The following IL3RA variants were observed in gnomAD, a reference collection of about 807,000 sequenced individuals.
IL3RA encodes interleukin 3 receptor subunit alpha.
A neutral mutation model predicts 52.3 loss-of-function variants in IL3RA; 73 were observed. The observed-to-expected ratio is 1.40, with a 90% CI of 1.16 to 1.70. The LOEUF (loss-of-function observed/expected upper bound fraction) is 1.70. IL3RA is among the 40% of genes most tolerant of loss of function. IL3RA has a pLI of 0.00. For missense variants in IL3RA, 664 were observed against 504.4 expected (o/e 1.32, Z -3.03); for synonymous variants, 260 against 194.0 (o/e 1.34, Z -2.83).
intron 7 of IL3RA, among the ~76,000 whole-genome samples, chrX:1,356,714 G>A (rs1182444413): frequency 1.3e-5 from 2 of 151,754 alleles, no homozygotes; most frequent in Admixed American, 1.3e-4. Context: ...GGGGGTTGCA[G>A]TGAGCCGAGA....
chrX:1,354,490 CA>C (rs2086466420), intron 6 of IL3RA, among the ~76,000 whole-genome samples: 1 of 126,562 alleles, frequency 7.9e-6, no homozygotes, highest in Non-Finnish European at 1.6e-5. Flanking sequence ...AGAACATGAG[CA>C]GGGGGAGGAG....
intron 4 of IL3RA, among the ~76,000 whole-genome samples, chrX:1,350,364 C>A (rs760026947): frequency 6.8e-6 from 1 of 148,074 alleles, no homozygotes; most frequent in Non-Finnish European, 1.5e-5. Flanking sequence ...CCGAGGCAGG[C>A]GGATCACCTG....
At chrX:1,351,138 T>C (rs17880065) in intron 4 of IL3RA, among the ~76,000 whole-genome samples, 118,968 of 151,408 alleles carry the variant, frequency 0.79, 47,673 homozygotes, top group African/African-American at 0.93. Flanking sequence ...ACCCGGGAGG[T>C]GGAGGTTGCA....
At chrX:1,339,059 C>T (rs1405640284) in intron 1 of IL3RA, among the ~76,000 whole-genome samples, 1 of 152,058 alleles carries the variant, frequency 6.6e-6, no homozygotes, top group Admixed American at 6.6e-5. Context: ...AGGCTGGTCT[C>T]GAACTCCTGA....
chrX:1,367,789 G>A (rs2088263719), intron 9 of IL3RA, among the ~76,000 whole-genome samples: 1 of 144,864 alleles, frequency 6.9e-6, no homozygotes, highest in African/African-American at 2.6e-5. Flanking sequence ...CGCGGGCTGA[G>A]CGGGGTGCGC....
chrX:1,346,602 A>G (rs2085754702), intron 3 of IL3RA, among the ~76,000 whole-genome samples: 2 of 151,808 alleles, frequency 1.3e-5, no homozygotes, highest in African/African-American at 4.9e-5. Flanking sequence ...GTGAGACTCC[A>G]TCTCAAAACA....
chrX:1,365,418 A>C (rs868121213), intron 9 of IL3RA, among the ~76,000 whole-genome samples, 166 bp downstream of exon 9: 4 of 25,594 alleles, frequency 1.6e-4, no homozygotes, highest in Non-Finnish European at 2.7e-4. Flanking sequence ...GAGCGGGGTG[A>C]GCGGGGTGAG....
chrX:1,363,978 C>T (rs768012778), intron 8 of IL3RA, among the ~76,000 whole-genome samples: 1 of 148,734 alleles, frequency 6.7e-6, no homozygotes, highest in Admixed American at 6.7e-5. Context: ...GTCAGGAAAT[C>T]AAGACCATCC....
intron 8 of IL3RA, among the ~76,000 whole-genome samples, chrX:1,364,200 AT>A (rs757914100): frequency 2.0e-5 from 3 of 147,738 alleles, no homozygotes; most frequent in Non-Finnish European, 3.0e-5. Context: ...AAAAAAAAAA[AT>A]TTTTTTTTGG....
chrX:1,351,253 T>C (rs1373704797), intron 4 of IL3RA, among the ~76,000 whole-genome samples: 8 of 152,238 alleles, frequency 5.3e-5, no homozygotes, highest in South Asian at 2.1e-4. Context: ...CTCTCCATAT[T>C]ATTATTATTT....
intron 3 of IL3RA, among the ~76,000 whole-genome samples, chrX:1,348,094 C>T (rs1224174509): frequency 6.7e-6 from 1 of 148,400 alleles, no homozygotes; most frequent in East Asian, 2.0e-4. Flanking sequence ...CGCCTGTAAT[C>T]CCAGCACTTT....
chrX:1,348,640 TTTTCTC>T lies in IL3RA; in HGVS notation c.298+101_298+106del, dbSNP rs1466430991. 8.6e-3 allele frequency: 6,182 copies of T among 721,490 alleles called. 219 individuals are homozygous for T. Among genetic ancestry groups the T allele is most frequent in the Non-Finnish European group, 0.01 (4,449 of 432,476 alleles). 44.7% of individuals were successfully genotyped at this position (721,490 alleles called of 1,614,324 possible). ...CTTCGCTGTGTCTTTTTTCTTTTCT[TTTTCTC>T]TTTCTTTCTTTCTTTCTTTCTTTCT... On this transcript the variant is annotated intron_variant, in intron 4 of 11. Transcript: ENST00000331035.
At chrX:1,357,946 C>CA (rs766281782) in intron 7 of IL3RA, among the ~76,000 whole-genome samples, 15 of 148,340 alleles carry the variant, frequency 1.0e-4, no homozygotes, top group East Asian at 4.0e-4. Context: ...ACTAAAAATA[C>CA]AAAAAAAAAT....
chrX:1,349,626 T>G (rs6603269), intron 4 of IL3RA, among the ~76,000 whole-genome samples: 96,550 of 151,728 alleles, frequency 0.64, 31,181 homozygotes, highest in Non-Finnish European at 0.67. Context: ...CTTTGTTTTT[T>G]AATTAATTAG....
At position 1,345,311 on chromosome X, in the gene IL3RA, T is replaced by C. The variant is rs1172302752; in HGVS notation, c.65-5T>C. The stretch of plus-strand genomic sequence containing the variant: ...TCTTCGAACTCCAACCTGTCACCGT[T>C]TTAGATCCAAACCCACCAATCACGA... On this transcript the variant is annotated splice_region_variant and splice_polypyrimidine_tract_variant and intron_variant, in intron 2 of 11. Transcript: ENST00000331035. The C allele has an allele frequency of 1.2e-6, 2 of 1,603,058 alleles. No homozygotes were observed. The highest frequency in any genetic ancestry group is 1.7e-5 in the Admixed American group (1 of 59,602).
In IL3RA at chrX:1,352,196, C is replaced by CTT; in HGVS notation, c.395_396insTT (p.Asp133TrpfsTer9). 6.2e-7 allele frequency: 1 copy of CTT among 1,613,728 alleles called. No homozygotes were observed. The highest frequency in any genetic ancestry group is 1.1e-5 in the South Asian group (1 of 91,082). Reference sequence around the variant, plus strand: ...TGGGCGGTAGGCCCGGGGGCCCCCGCGGACGTCCAGTACGACCTGTACTTG... The same window carrying CTT: ...TGGGCGGTAGGCCCGGGGGCCCCCGCTTGGACGTCCAGTACGACCTGTACTTG... On this transcript the variant is annotated frameshift_variant, in exon 5 of 12. Transcript: ENST00000331035. LOFTEE classifies it high-confidence loss of function.
intron 10 of IL3RA, among the ~76,000 whole-genome samples, chrX:1,380,006 C>G (rs1308388897): frequency 5.3e-5 from 8 of 151,724 alleles, no homozygotes; most frequent in Middle Eastern, 3.4e-3. Flanking sequence ...GTGATCCACC[C>G]GCCTCGGCCT....
At chrX:1,348,740 T>G (rs1293793952) in intron 4 of IL3RA, among the ~76,000 whole-genome samples, 195 bp downstream of exon 4, 2 of 144,420 alleles carry the variant, frequency 1.4e-5, no homozygotes, top group Admixed American at 7.0e-5. Context: ...TTTTCTTTCT[T>G]TCTTTCCTTC....
At chrX:1,355,576 G>C (rs1431854116) in intron 6 of IL3RA, among the ~76,000 whole-genome samples, 1 of 151,064 alleles carries the variant, frequency 6.6e-6, no homozygotes, top group Non-Finnish European at 1.5e-5. Flanking sequence ...TCACACCTGA[G>C]GATGTGGAAG....
Sources: gnomAD v4.1 joint callset for allele counts (sites outside exome capture counted in the v4.1 genomes callset) on GRCh38, gnomAD v4.1.1 for gene constraint, MANE v1.5 for transcripts, NCBI Gene and HGNC (gene_info 2026-07-23, HGNC 2026-07-21) for gene names.